SPEF2: variants seen among roughly 807,000 people sequenced by gnomAD.
SPEF2 encodes the protein sperm flagellar and cilia associated 2, also known as sperm flagella and cilia-associated protein 2.
Under a neutral mutation model 224.6 loss-of-function variants are expected in SPEF2, and 187 were observed. The observed-to-expected ratio is 0.83, with a 90% CI of 0.74 to 0.94. SPEF2 has a LOEUF of 0.94. Ranked by LOEUF, SPEF2 falls within the 40% of genes least tolerant of loss-of-function variation. SPEF2 has a pLI of 0.00. For missense variants in SPEF2, 2,170 were observed against 2,135.6 expected, an observed-to-expected ratio of 1.02 and a Z score of -0.32; for synonymous variants, 715 against 707.3, an observed-to-expected ratio of 1.01 and a Z score of -0.17.
intron 6 of SPEF2, among the ~76,000 whole-genome samples, chr5:35,649,690 C>T (rs1561132208): frequency 2.6e-5 from 4 of 152,210 alleles, no homozygotes; most frequent in Non-Finnish European, 4.4e-5. Flanking sequence ...TAAGTTCACA[C>T]ATATTTTTTA....
chr5:35,649,516 T>A (rs911935259), intron 6 of SPEF2, 91 bp downstream of exon 6: 2 of 960,530 alleles, frequency 2.1e-6, no homozygotes, highest in Non-Finnish European at 3.1e-6. Flanking sequence ...CTGGAAGAGC[T>A]ATTCCAGGAT....
chr5:35,657,678 A>G (rs1466184520), intron 7 of SPEF2, among the ~76,000 whole-genome samples: 4 of 152,060 alleles, frequency 2.6e-5, no homozygotes, highest in Admixed American at 2.0e-4. Flanking sequence ...AAGGGGAGTT[A>G]GTGAGTTTAG....
chr5:35,641,533 A>G lies in SPEF2; in HGVS notation c.264A>G (p.Glu88=). ...ATGTGGCCCATGGCATCATCACAGA[A>G]AAGCCTGGGGTGGCAACAAAGCTGT... is the stretch of plus-strand genomic sequence containing the variant. The part of the protein sequence containing the change: ...DQNVAHGIIT[E]KPGVATKLLY... The change falls in exon 3 of 37, where the codon GAA becomes GAG. Residue 88 remains glutamate, a synonymous_variant. Transcript: ENST00000356031. 1 of 1,613,892 alleles carries G rather than the reference A, an allele frequency of 6.2e-7. No homozygotes were observed. Among genetic ancestry groups the G allele is most frequent in the Non-Finnish European group, 8.5e-7 (1 of 1,179,858 alleles).
chr5:35,788,642 C>G, intron 30 of SPEF2: 1 of 702,946 alleles, frequency 1.4e-6, no homozygotes, highest in Non-Finnish European at 2.6e-6. Context: ...ACTGTCGAGC[C>G]AAGACTGGGC....
At chr5:35,799,311 G>A (rs1000129104) in intron 33 of SPEF2, among the ~76,000 whole-genome samples, 3 of 152,214 alleles carry the variant, frequency 2.0e-5, no homozygotes, top group Admixed American at 6.5e-5. Flanking sequence ...GAGGGCCCCA[G>A]AGGATATTTG....
At position 35,618,051 on chromosome 5, in the gene SPEF2, C is replaced by T; in HGVS notation, c.54C>T (p.Thr18=). 6.3e-7 allele frequency: 1 copy of T among 1,583,906 alleles called. No individual in the cohort carries two copies. Among genetic ancestry groups the T allele is most frequent in the Admixed American group, 1.7e-5 (1 of 57,582 alleles). Residue 18 remains threonine (T), a synonymous_variant, in exon 1 of 37, where the codon ACC becomes ACT. Transcript: ENST00000356031. The part of the protein sequence containing the change: ...WLNKELKVSR[T]VSPKSFAKAF... ...ACAAGGAGTTGAAGGTGTCCCGGAC[C>T]GTGAGTGAGTGACCACGGCCAGGGG...
Position 35,771,774 on chromosome 5 carries a change from A to G in SPEF2, c.3949+18A>G. On this transcript the variant is annotated intron_variant, in intron 27 of 36. Coordinates refer to ENST00000356031, the MANE Select transcript of SPEF2 (RefSeq NM_024867.4). ...ACCCAAAGGTATTTATGGTTTTAGC[A>G]CTCAGAACCCTGGATGCCTAAACCT... 2 of 1,576,890 alleles carry G rather than the reference A, an allele frequency of 1.3e-6. No individual in the cohort carries two copies. The highest frequency in any genetic ancestry group is 1.7e-6 in the Non-Finnish European group (2 of 1,169,580).
chr5:35,802,920 G>A (rs1757617742), intron 34 of SPEF2, among the ~76,000 whole-genome samples: 1 of 152,170 alleles, frequency 6.6e-6, no homozygotes, highest in African/African-American at 2.4e-5. Context: ...TCTGTGTTGA[G>A]GAGAGACTAC....
intron 21 of SPEF2, among the ~76,000 whole-genome samples, chr5:35,737,458 G>A (rs1404738378): frequency 7.5e-5 from 11 of 147,036 alleles, no homozygotes; most frequent in East Asian, 4.1e-4. Flanking sequence ...GTGAGAACAC[G>A]CAGTGGTTGG....
chr5:35,628,196 A>T (rs1744541775), intron 1 of SPEF2, among the ~76,000 whole-genome samples: 1 of 152,194 alleles, frequency 6.6e-6, no homozygotes, highest in Non-Finnish European at 1.5e-5. Flanking sequence ...TTTTAAAAAA[A>T]AATTTTATCT....
At chr5:35,646,290 C>T (rs1402930661) in intron 4 of SPEF2, among the ~76,000 whole-genome samples, 1 of 152,142 alleles carries the variant, frequency 6.6e-6, no homozygotes, top group African/African-American at 2.4e-5. Context: ...TCTCATTGAA[C>T]CATCTTCAGA....
At chr5:35,750,217 G>A (rs1195111751) in intron 23 of SPEF2, among the ~76,000 whole-genome samples, 1 of 152,034 alleles carries the variant, frequency 6.6e-6, no homozygotes, top group Non-Finnish European at 1.5e-5. Context: ...GATGGATTAA[G>A]GTCTTAAACA....
At position 35,691,087 on chromosome 5, in the gene SPEF2, A is replaced by G. The variant is rs779527755; in HGVS notation, c.1575A>G (p.Pro525=). The G allele has an allele frequency of 1.7e-5, 28 of 1,613,930 alleles. No individual in the cohort carries two copies. Among genetic ancestry groups the G allele is most frequent in the Admixed American group, 5.0e-5 (3 of 59,986 alleles). Residue 525 remains proline (P), a synonymous_variant, in exon 11 of 37, where the codon CCA becomes CCG. Transcript: ENST00000356031. ...CAGAAGAAATGGTTGACAATTTACC[A>G]CCCTCCAACAATTGCATACTGGGCC... The part of the protein sequence containing the change: ...ALPEEMVDNL[P]PSNNCILGHI...
Position 35,691,132 on chromosome 5 carries a change from T to C in SPEF2, c.1620T>C (p.Ala540=), listed in dbSNP as rs1252854365. 6.2e-7 allele frequency: 1 copy of C among 1,614,130 alleles called. No individual in the cohort carries two copies. Among genetic ancestry groups the C allele is most frequent in the Non-Finnish European group, 8.5e-7 (1 of 1,179,988 alleles). Residue 540 remains alanine (A), a synonymous_variant, in exon 11 of 37, where the codon GCT becomes GCC. Transcript: ENST00000356031. Reference sequence around the variant, plus strand: ...TGGGCCATATTCTTCACAGGCTAGCTGAAAAATCTCTTCCTCCTCGAGCGG... The same window carrying C: ...TGGGCCATATTCTTCACAGGCTAGCCGAAAAATCTCTTCCTCCTCGAGCGG... ...CILGHILHRL[A]EKSLPPRAES...
chr5:35,788,573 G>T (rs747055149), intron 30 of SPEF2: 68 of 702,656 alleles, frequency 9.7e-5, no homozygotes, highest in Non-Finnish European at 4.7e-5. Context: ...AGAAAGAAAT[G>T]ATCCTCTGGC....
rs146473600 is a variant in SPEF2 at position 35,795,721 on chromosome 5, G to A, written c.4756G>A (p.Gly1586Arg). 3,401 of 1,613,854 alleles carry A rather than the reference G, an allele frequency of 2.1e-3. 6 individuals carry two copies. Among genetic ancestry groups the A allele is most frequent in the Non-Finnish European group, 2.7e-3 (3,179 of 1,179,854 alleles). ...QYMQAGLWFT[G>R]DEDIKIPENP... The stretch of plus-strand genomic sequence containing the variant: ...TATGTAGGCTGGTCTGTGGTTTACA[G>A]GAGATGAAGATATAAAAATTCCAGA... The change falls in exon 33 of 37, where the codon GGA becomes AGA. Residue 1586 changes from glycine (G) to arginine (R), a missense_variant. By Grantham distance (125) the Gly-to-Arg change is moderately radical. Coordinates refer to ENST00000356031, the MANE Select transcript of SPEF2 (RefSeq NM_024867.4).
intron 34 of SPEF2, among the ~76,000 whole-genome samples, chr5:35,804,931 A>G (rs559341027): frequency 6.6e-6 from 1 of 152,290 alleles, no homozygotes; most frequent in African/African-American, 2.4e-5. Context: ...ATAGAAATTT[A>G]TTCATCCTGG....
At chr5:35,705,153 G>C (rs976738025) in intron 17 of SPEF2, among the ~76,000 whole-genome samples, 2 of 152,008 alleles carry the variant, frequency 1.3e-5, no homozygotes, top group African/African-American at 4.8e-5. Context: ...AGAGTAATTT[G>C]AGCTACATTA....
intron 8 of SPEF2, among the ~76,000 whole-genome samples, chr5:35,666,024 A>AT (rs2149468578): frequency 6.6e-6 from 1 of 152,250 alleles, no homozygotes; most frequent in Non-Finnish European, 1.5e-5. Flanking sequence ...TGGTTTGGTA[A>AT]TTTTTTGGGG....
Sources: allele counts gnomAD v4.1 joint callset (sites outside exome capture counted in the v4.1 genomes callset), GRCh38; gene constraint gnomAD v4.1.1; transcripts MANE v1.5; gene names NCBI Gene and HGNC (gene_info 2026-07-23, HGNC 2026-07-21).